NMUR1: variants seen among roughly 807,000 people sequenced by gnomAD.
NMUR1 encodes neuromedin U receptor 1.
In NMUR1, 16 loss-of-function variants were observed where a neutral mutation model predicts 18.8. That is an observed-to-expected ratio of 0.85 (90% confidence interval 0.58 to 1.29). The LOEUF is 1.29. NMUR1 is among the 50% of genes most tolerant of loss of function. The pLI is 0.00. For missense variants in NMUR1, 529 were observed against 580.3 expected (o/e 0.91, Z 0.91); for synonymous variants, 258 against 258.2 (o/e 1.00, Z 0.01).
chr2:231,520,111 A>T (rs2047293264), downstream of NMUR1, among the ~76,000 whole-genome samples: 1 of 152,246 alleles, frequency 6.6e-6, no homozygotes, highest in African/African-American at 2.4e-5. Context: ...CTAATCTTAG[A>T]AACTGTAAAG....
rs769884775 is a variant in NMUR1 at position 231,528,631 on chromosome 2, G to A, written c.390C>T (p.Gly130=). The A allele has an allele frequency of 2.3e-5, 37 of 1,614,092 alleles. No individual in the cohort carries two copies. The South Asian group carries it at 3.4e-4, about 15-fold the overall frequency. The change falls in exon 2 of 3, where the codon GGC becomes GGT. Residue 130 remains glycine, a synonymous_variant. Coordinates refer to ENST00000305141, the MANE Select transcript of NMUR1 (RefSeq NM_006056.5). ...GCGTGCGGAAATAGCAGCCACCAAC[G>A]CCCAGCAGGAAGGGGTAGTTGTGCC... is the stretch of plus-strand genomic sequence containing the variant. ...EMWHNYPFLL[G]VGGCYFRTLL...
intron 2 of NMUR1, among the ~76,000 whole-genome samples, chr2:231,527,637 C>CA (rs10522812): frequency 0.18 from 17,302 of 98,156 alleles, 1,651 homozygotes; most frequent in Non-Finnish European, 0.21. Context: ...GACCCTGTCT[C>CA]AAAAAAAAAA....
intron 2 of NMUR1, 99 bp downstream of exon 2, chr2:231,528,024 C>T: frequency 3.8e-6 from 5 of 1,314,156 alleles, no homozygotes; most frequent in Non-Finnish European, 5.1e-6. Context: ...TCCTCGTCCC[C>T]CATAAACCCA....
downstream of NMUR1, among the ~76,000 whole-genome samples, chr2:231,519,830 G>C (rs1432851452): frequency 1.3e-5 from 2 of 152,146 alleles, no homozygotes; most frequent in Non-Finnish European, 2.9e-5. Context: ...AGTGGCTCTT[G>C]CCTGTAATCC....
In NMUR1 at chr2:231,530,434, GGACT is replaced by G. The variant is rs1304133973; in HGVS notation, c.-77_-74del. On this transcript the variant is annotated 5_prime_UTR_variant, in exon 1 of 3. Coordinates refer to ENST00000305141, the MANE Select transcript of NMUR1 (RefSeq NM_006056.5). ...ACACAGACGCGGCGCGGGAGCCAGT[GGACT>G]GACTGACAGCGGCCCCAGCCCGCGC... 4.9e-5 allele frequency: 69 copies of G among 1,419,910 alleles called. 1 individual carries two copies. The East Asian group carries it at 1.9e-3, about 39-fold the overall frequency. The allele number at this position is 1,419,910 out of a possible 1,614,324, so 88.0% of individuals were successfully genotyped here.
intron 2 of NMUR1, 83 bp from the exon 3 acceptor site, chr2:231,525,508 T>C: frequency 6.8e-7 from 1 of 1,463,776 alleles, no homozygotes; most frequent in Non-Finnish European, 9.2e-7. Context: ...GTCACCCATT[T>C]TCACATCCTC....
In NMUR1 at chr2:231,525,172, G is replaced by A; in HGVS notation, c.1152C>T (p.His384=). Residue 384 remains histidine (H), a synonymous_variant, in exon 3 of 3, where the codon CAC becomes CAT. Transcript: ENST00000305141. ...GACCHRLRPR[H]SSHSLSRMTT... The stretch of plus-strand genomic sequence containing the variant: ...TCATCCTGCTGAGGCTGTGGGAGCT[G>A]TGGCGGGGTCTGAGGCGATGGCAGC... 1.9e-6 allele frequency: 3 copies of A among 1,614,160 alleles called. No individual in the cohort carries two copies. Among genetic ancestry groups the A allele is most frequent in the Non-Finnish European group, 2.5e-6 (3 of 1,180,034 alleles).
downstream of NMUR1, chr2:231,523,074 T>G (rs1317677842): frequency 1.6e-5 from 5 of 316,572 alleles, no homozygotes; most frequent in Non-Finnish European, 2.3e-5. Flanking sequence ...TGAGCTTGGA[T>G]AGAACATCCA....
intron 1 of NMUR1, 113 bp downstream of exon 1, chr2:231,530,246 G>A: frequency 7.9e-7 from 1 of 1,269,208 alleles, no homozygotes; most frequent in Non-Finnish European, 1.1e-6. Flanking sequence ...TGGCGGGGAC[G>A]GGGGGCACCC....
intron 1 of NMUR1, among the ~76,000 whole-genome samples, chr2:231,530,113 G>T (rs1323282430): frequency 2.0e-5 from 3 of 152,002 alleles, no homozygotes; most frequent in Non-Finnish European, 4.4e-5. Flanking sequence ...TTGGGAACGC[G>T]CAGGCGCCAG....
At chr2:231,529,504 A>T (rs376005798) in intron 1 of NMUR1, among the ~76,000 whole-genome samples, 6 of 13,430 alleles carry the variant, frequency 4.5e-4, no homozygotes, top group African/African-American at 1.3e-3. Flanking sequence ...ATCTACATTT[A>T]AAAAAAAAAA....
At chr2:231,521,120 A>C (rs1171068000), downstream of NMUR1, among the ~76,000 whole-genome samples, 4 of 152,206 alleles carry the variant, frequency 2.6e-5, no homozygotes, top group African/African-American at 7.2e-5. Context: ...CCCGCCTGTA[A>C]TCCCAGTACT....
chr2:231,519,186 A>G (rs748238230), downstream of NMUR1, among the ~76,000 whole-genome samples: 6 of 152,216 alleles, frequency 3.9e-5, no homozygotes, highest in Non-Finnish European at 5.9e-5. Context: ...GTTAGATTAA[A>G]AGATTCCAGA....
Position 231,524,503 on chromosome 2 carries a change from CAA to C in NMUR1, c.*538_*539del, listed in dbSNP as rs2047335007. On this transcript the variant is annotated 3_prime_UTR_variant, in exon 3 of 3. Coordinates refer to ENST00000305141, the MANE Select transcript of NMUR1 (RefSeq NM_006056.5). ...CCCGGAGGCGGAGGTTGCAGTGAGC[CAA>C]AATCGCGCCACTGCACTCTAGCCTG... The C allele has an allele frequency of 6.6e-6, 1 of 152,546 alleles. No individual in the cohort carries two copies. The highest frequency in any genetic ancestry group is 2.1e-4 in the South Asian group (1 of 4,838). The allele number at this position is 152,546 out of a possible 1,614,324, so 9.4% of individuals were successfully genotyped here.
chr2:231,528,285 TGGCCATG>T lies in NMUR1; in HGVS notation c.729_735del (p.Met244SerfsTer2), dbSNP rs1423739104. 1 of 1,613,698 alleles carries T rather than the reference TGGCCATG, an allele frequency of 6.2e-7. No homozygotes were observed. The highest frequency in any genetic ancestry group is 1.6e-4 in the Middle Eastern group (1 of 6,076). ...ATGAGCAGGTAGAGCACGCTCATGATGGCCATGGGCAGGCAGAAGAAGAGCAGCGCGG... is the reference window on the plus strand; with the variant it reads ...ATGAGCAGGTAGAGCACGCTCATGATGGCAGGCAGAAGAAGAGCAGCGCGG... On this transcript the variant is annotated frameshift_variant, in exon 2 of 3. Coordinates refer to ENST00000305141, the MANE Select transcript of NMUR1 (RefSeq NM_006056.5). LOFTEE classifies it high-confidence loss of function.
rs200849646 is a variant in NMUR1 at position 231,528,111 on chromosome 2, C to G, written c.898+12G>C. ...GCCTGGCTCAGCCCCTCTTCCCAGC[C>G]GTGACACTTACACAGCATCTTGGTC... is the stretch of plus-strand genomic sequence containing the variant. On this transcript the variant is annotated intron_variant, in intron 2 of 2. Transcript: ENST00000305141. The G allele has an allele frequency of 6.5e-7, 1 of 1,529,846 alleles. No homozygotes were observed. Among genetic ancestry groups the G allele is most frequent in the Non-Finnish European group, 8.8e-7 (1 of 1,137,612 alleles). The allele number at this position is 1,529,846 out of a possible 1,614,324, so 94.8% of individuals were successfully genotyped here.
Position 231,523,642 on chromosome 2 carries a change from G to A in NMUR1, c.*1401C>T, listed in dbSNP as rs867694741. 8 of 158,784 alleles carry A rather than the reference G, an allele frequency of 5.0e-5. No homozygotes were observed. The highest frequency in any genetic ancestry group is 1.9e-4 in the Admixed American group (3 of 15,458). The allele number at this position is 158,784 out of a possible 1,614,324, so 9.8% of individuals were successfully genotyped here. ...TCTGCAGGGAGAACCCAGACAGACC[G>A]ACCGAAGGTCATCCTCCAGCTCCCA... On this transcript the variant is annotated 3_prime_UTR_variant, in exon 3 of 3. Transcript: ENST00000305141.
At chr2:231,521,963 TTTTTTTTCTC>T (rs2125659636), downstream of NMUR1, among the ~76,000 whole-genome samples, 1 of 96,254 alleles carries the variant, frequency 1.0e-5, no homozygotes, top group African/African-American at 3.6e-5. Flanking sequence ...GCACCCTTCT[TTTTTTTTCTC>T]TTTTTTTTTT....
In NMUR1 at chr2:231,525,010, G is replaced by T; in HGVS notation, c.*33C>A. On this transcript the variant is annotated 3_prime_UTR_variant, in exon 3 of 3. Transcript: ENST00000305141. ...CTCCCCAGCTCCAGGTGACCCTCTGGCCCCTCCAGGTGAAGCCACTTTAAG... is the reference window on the plus strand; with the variant it reads ...CTCCCCAGCTCCAGGTGACCCTCTGTCCCCTCCAGGTGAAGCCACTTTAAG... 1 of 1,519,140 alleles carries T rather than the reference G, an allele frequency of 6.6e-7. No individual in the cohort carries two copies. The highest frequency in any genetic ancestry group is 8.8e-7 in the Non-Finnish European group (1 of 1,138,614). The allele number at this position is 1,519,140 out of a possible 1,614,324, so 94.1% of individuals were successfully genotyped here.
Sources: allele counts gnomAD v4.1 joint callset (sites outside exome capture counted in the v4.1 genomes callset), GRCh38; gene constraint gnomAD v4.1.1; transcripts MANE v1.5; gene names NCBI Gene and HGNC (gene_info 2026-07-23, HGNC 2026-07-21).